ASXL3: variants seen among roughly 807,000 people sequenced by gnomAD.
ASXL3 encodes putative Polycomb group protein ASXL3.
ASXL3 carries 34 observed loss-of-function variants against 170.6 expected under a neutral mutation model. That is an observed-to-expected ratio of 0.20 (90% CI 0.15 to 0.27). The LOEUF (loss-of-function observed/expected upper bound fraction) is 0.27. ASXL3 is among the 10% of genes least tolerant of loss of function. The probability of loss-of-function intolerance (pLI) is 1.00; values close to 1 mark genes in which losing one functional copy is unlikely to be tolerated. For synonymous variants in ASXL3, 1,002 were observed against 989.1 expected (o/e 1.01, Z -0.24); for missense variants, 2,592 against 2,695.3 (o/e 0.96, Z 0.85).
chr18:33,716,927 A>T (rs1041802658), intron 8 of ASXL3, among the ~76,000 whole-genome samples: 5 of 148,750 alleles, frequency 3.4e-5, no homozygotes, highest in African/African-American at 1.2e-4. Context: ...TTGAGTGGGG[A>T]GGTGATGTTA....
At chr18:33,691,703 A>G (rs188113954) in intron 8 of ASXL3, among the ~76,000 whole-genome samples, 37 of 152,260 alleles carry the variant, frequency 2.4e-4, no homozygotes, top group African/African-American at 8.7e-4. Context: ...TAGTTTATAT[A>G]TCATGCTATG....
chr18:33,638,341 G>A (rs950335481), intron 2 of ASXL3, among the ~76,000 whole-genome samples: 1 of 151,918 alleles, frequency 6.6e-6, no homozygotes, highest in Non-Finnish European at 1.5e-5. Flanking sequence ...GGGATTACGG[G>A]CATCAGCCAC....
At position 33,670,795 on chromosome 18, in the gene ASXL3, A is replaced by G. The variant is rs1311469348; in HGVS notation, c.595+5A>G. ...AGCAGTCGGATTCGCCTTCAGGTAA[A>G]GAGCTGAAATATCATATGCTTGGCC... On this transcript the variant is annotated splice_donor_5th_base_variant and intron_variant, in intron 6 of 11. Coordinates refer to ENST00000269197, the MANE Select transcript of ASXL3 (RefSeq NM_030632.3). 2.6e-6 allele frequency: 4 copies of G among 1,520,974 alleles called. No homozygotes were observed. In the Admixed American group the frequency reaches 8.2e-5, roughly 31 times the overall value. 94.2% of individuals were successfully genotyped at this position (1,520,974 alleles called of 1,614,324 possible).
rs1367269737 is a variant in ASXL3, at chr18:33,740,075, G to A, written c.2671G>A (p.Asp891Asn). 1.2e-6 allele frequency: 2 copies of A among 1,613,842 alleles called. No individual in the cohort carries two copies. Among genetic ancestry groups the A allele is most frequent in the Non-Finnish European group, 1.7e-6 (2 of 1,179,872 alleles). Reference sequence around the variant, plus strand: ...ATTATCTGTCTTTTCTGAAGGGACAGATAATAAGGGAAATGAGCTTCCATC... The same window carrying A: ...ATTATCTGTCTTTTCTGAAGGGACAAATAATAAGGGAAATGAGCTTCCATC... ...LELSVFSEGT[D>N]NKGNELPSAK... The change falls in exon 11 of 12, where the codon GAT (aspartate) becomes AAT (asparagine). Residue 891 changes from aspartate (D) to asparagine (N), a missense_variant. Transcript: ENST00000269197.
chr18:33,748,981 T>C lies in ASXL3; in HGVS notation c.*2386T>C, dbSNP rs1489896501. On this transcript the variant is annotated 3_prime_UTR_variant, in exon 12 of 12. Coordinates refer to ENST00000269197, the MANE Select transcript of ASXL3 (RefSeq NM_030632.3). ...GAATAAGAAAAAGTGTCCTTCTGTA[T>C]GTTTTGATTTTTCACATAACAGGCT... The C allele has an allele frequency of 1.3e-5, 2 of 152,138 alleles. No homozygotes were observed. The highest frequency in any genetic ancestry group is 4.8e-5 in the African/African-American group (2 of 41,426). 9.4% of individuals were successfully genotyped at this position (152,138 alleles called of 1,614,324 possible).
chr18:33,728,978 G>A (rs1382905298), intron 8 of ASXL3, among the ~76,000 whole-genome samples: 1 of 152,112 alleles, frequency 6.6e-6, no homozygotes, highest in Non-Finnish European at 1.5e-5. Flanking sequence ...TGAGTAAACT[G>A]AGGGGGAAAC....
At chr18:33,727,540 T>A (rs1374779985) in intron 8 of ASXL3, among the ~76,000 whole-genome samples, 1 of 152,164 alleles carries the variant, frequency 6.6e-6, no homozygotes, top group East Asian at 1.9e-4. Flanking sequence ...AAGTTTTCTT[T>A]ATTAGTGTTT....
intron 4 of ASXL3, among the ~76,000 whole-genome samples, chr18:33,652,372 T>C (rs1017980395): frequency 1.3e-5 from 2 of 151,998 alleles, no homozygotes; most frequent in South Asian, 2.1e-4. Flanking sequence ...TATCTATAAA[T>C]TGTTATTAAC....
intron 7 of ASXL3, 26 bp downstream of exon 7, chr18:33,671,892 T>C (rs769007727): frequency 6.1e-6 from 9 of 1,470,232 alleles, no homozygotes; most frequent in Middle Eastern, 1.8e-4. Flanking sequence ...ACTATGCCAT[T>C]TCACATTTTA....
At chr18:33,612,863 T>C (rs8084438) in intron 2 of ASXL3, among the ~76,000 whole-genome samples, 85,973 of 151,916 alleles carry the variant, frequency 0.57, 25,330 homozygotes, top group African/African-American at 0.7. Context: ...TCCATGTTGG[T>C]GCCCTTCCTT....
intron 2 of ASXL3, among the ~76,000 whole-genome samples, chr18:33,610,421 A>G (rs1159227139): frequency 1.3e-5 from 2 of 151,984 alleles, no homozygotes; most frequent in Admixed American, 1.3e-4. Context: ...GTCCTCCCCC[A>G]AACAGTCCTC....
chr18:33,601,757 A>T (rs2065184876), intron 1 of ASXL3, among the ~76,000 whole-genome samples: 1 of 146,428 alleles, frequency 6.8e-6, no homozygotes, highest in Non-Finnish European at 1.5e-5. Context: ...TTAAACCATT[A>T]TCTGAGAATT....
intron 1 of ASXL3, among the ~76,000 whole-genome samples, chr18:33,602,578 A>G (rs530848417): frequency 6.6e-6 from 1 of 152,282 alleles, no homozygotes; most frequent in South Asian, 2.1e-4. Context: ...ATTAATTCTA[A>G]GTCTTTTGTA....
Position 33,748,090 on chromosome 18 carries a change from T to C in ASXL3, c.*1495T>C, listed in dbSNP as rs2067825525. On this transcript the variant is annotated 3_prime_UTR_variant, in exon 12 of 12. Coordinates refer to ENST00000269197, the MANE Select transcript of ASXL3 (RefSeq NM_030632.3). ...GGAGTGCCATTAACCCATTGATTGA[T>C]TGTGGCTGTAGAATTTAAAAAGCAA... 6.8e-6 allele frequency: 1 copy of C among 147,460 alleles called. No individual in the cohort carries two copies. The highest frequency in any genetic ancestry group is 2.2e-4 in the South Asian group (1 of 4,544). 9.1% of individuals were successfully genotyped at this position (147,460 alleles called of 1,614,324 possible). A position where few individuals can be genotyped will look rare whatever the true frequency, so the allele number is the denominator to read the frequency against.
At chr18:33,588,707 G>C (rs958220472) in intron 1 of ASXL3, among the ~76,000 whole-genome samples, 1 of 152,216 alleles carries the variant, frequency 6.6e-6, no homozygotes, top group Non-Finnish European at 1.5e-5. Flanking sequence ...AGGTGCCAGA[G>C]AGCGATGATA....
At chr18:33,662,142 G>C (rs2145234293) in intron 5 of ASXL3, among the ~76,000 whole-genome samples, 1 of 152,204 alleles carries the variant, frequency 6.6e-6, no homozygotes, top group South Asian at 2.1e-4. Flanking sequence ...GATACATTAA[G>C]TTACAAATAA....
chr18:33,736,537 C>G (rs1046419112), intron 10 of ASXL3, among the ~76,000 whole-genome samples: 1 of 152,050 alleles, frequency 6.6e-6, no homozygotes, highest in Non-Finnish European at 1.5e-5. Flanking sequence ...ACTGACACCA[C>G]GTGCCTTTTC....
Position 33,644,482 on chromosome 18 carries a change from T to C in ASXL3, c.138-412T>C, listed in dbSNP as rs140422027. Among the ~76,000 whole-genome samples the C allele has an allele frequency of 5.5e-3, 832 of 151,614 alleles. 8 individuals carry two copies. Among genetic ancestry groups the C allele is most frequent in the African/African-American group, 0.019 (788 of 41,486 alleles). ...TTGAACTTGGTGGGTTTTTTTGTTT[T>C]TTTTTTTTTGATCATTCAAGTGCAA... On this transcript the variant is annotated intron_variant, in intron 2 of 11. Transcript: ENST00000269197.
At chr18:33,709,530 A>G (rs1306798515) in intron 8 of ASXL3, among the ~76,000 whole-genome samples, 3 of 152,214 alleles carry the variant, frequency 2.0e-5, no homozygotes, top group Non-Finnish European at 4.4e-5. Flanking sequence ...GCCCAATACA[A>G]AAGTGTATGT....
Sources: allele counts gnomAD v4.1 joint callset (sites outside exome capture counted in the v4.1 genomes callset), GRCh38; gene constraint gnomAD v4.1.1; transcripts MANE v1.5; gene names NCBI Gene and HGNC (gene_info 2026-07-23, HGNC 2026-07-21).